SDK1: variants seen among roughly 807,000 people sequenced by gnomAD.
The protein encoded by SDK1 is protein sidekick-1.
Under a neutral mutation model 245.5 loss-of-function variants are expected in SDK1, and 157 were observed. The ratio of observed to expected loss-of-function variants is 0.64; its 90% CI spans 0.56 to 0.73. The LOEUF is 0.73. SDK1 is among the 30% of genes least tolerant of loss of function. The probability of loss-of-function intolerance (pLI) is 0.00; values close to 1 mark genes in which losing one functional copy is unlikely to be tolerated. For missense variants in SDK1, 3,583 were observed against 3,002.3 expected (o/e 1.19, Z -4.52); for synonymous variants, 1,647 against 1,278.5 (o/e 1.29, Z -6.15).
intron 1 of SDK1, among the ~76,000 whole-genome samples, chr7:3,516,190 T>C (rs1242523788): frequency 6.6e-6 from 1 of 151,664 alleles, no homozygotes; most frequent in African/African-American, 2.4e-5. Flanking sequence ...CACATACATT[T>C]ACACACCTAT....
chr7:4,012,464 C>A (rs1424458383), intron 16 of SDK1, among the ~76,000 whole-genome samples: 1 of 134,912 alleles, frequency 7.4e-6, no homozygotes, highest in Non-Finnish European at 1.5e-5. Context: ...ATGACACACA[C>A]AAAACTGGTG....
At chr7:3,950,518 G>A (rs1780763367) in intron 5 of SDK1, among the ~76,000 whole-genome samples, 3 of 152,238 alleles carry the variant, frequency 2.0e-5, no homozygotes, top group South Asian at 4.1e-4. Context: ...TCATTGTTCT[G>A]TTTCATTATT....
intron 1 of SDK1, among the ~76,000 whole-genome samples, chr7:3,437,702 TC>T (rs1780069931): frequency 6.6e-6 from 1 of 152,174 alleles, no homozygotes; most frequent in African/African-American, 2.4e-5. Context: ...TGAGCTGTGA[TC>T]GTGCCACTGC....
intron 22 of SDK1, among the ~76,000 whole-genome samples, chr7:4,090,358 C>T (rs963679868): frequency 2.0e-5 from 3 of 152,158 alleles, no homozygotes; most frequent in Non-Finnish European, 4.4e-5. Flanking sequence ...TTTAAAAATT[C>T]AATCATTTCT....
chr7:3,985,766 A>C lies in SDK1; in HGVS notation c.1995-1420A>C, dbSNP rs1411295916. Among the ~76,000 whole-genome samples the C allele has an allele frequency of 3.3e-5, 5 of 152,234 alleles. No homozygotes were observed. The East Asian group carries it at 9.6e-4, about 29-fold the overall frequency. On this transcript the variant is annotated intron_variant, in intron 13 of 44. Transcript: ENST00000404826. ...ACAATGTAGTTGCAGTCTACATTAG[A>C]AATATTAGTATGCTTATAAATGGTG...
intron 35 of SDK1, among the ~76,000 whole-genome samples, chr7:4,182,767 G>A (rs1033921972): frequency 6.6e-6 from 1 of 152,232 alleles, no homozygotes; most frequent in African/African-American, 2.4e-5. Context: ...GAGAGGCAGA[G>A]CTGGTGAGGG....
At chr7:3,649,316 C>G (rs185989634) in intron 4 of SDK1, among the ~76,000 whole-genome samples, 1 of 151,968 alleles carries the variant, frequency 6.6e-6, no homozygotes, top group African/African-American at 2.4e-5. Context: ...TAACAAAATG[C>G]GCATTTTCAA....
chr7:3,972,328 C>CT (rs1562596826), intron 12 of SDK1, among the ~76,000 whole-genome samples: 1 of 152,164 alleles, frequency 6.6e-6, no homozygotes, highest in Non-Finnish European at 1.5e-5. Flanking sequence ...ATCCACCTGT[C>CT]TCGGCCTCCC....
Position 4,175,793 on chromosome 7 carries a change from C to T in SDK1, c.4955C>T (p.Thr1652Met), listed in dbSNP as rs752060295. The T allele has an allele frequency of 3.2e-5, 51 of 1,613,812 alleles. 1 individual carries two copies. Among genetic ancestry groups the T allele is most frequent in the South Asian group, 2.4e-4 (22 of 91,094 alleles). The change falls in exon 34 of 45, where the codon ACG (threonine) becomes ATG (methionine). Residue 1652 changes from threonine to methionine, a missense_variant. Coordinates refer to ENST00000404826, the MANE Select transcript of SDK1 (RefSeq NM_152744.4). Reference protein sequence around the residue: ...AELTAQSSFKTVNSSSTSTMC... With the variant: ...AELTAQSSFKMVNSSSTSTMC... ...CCAATAGCCCAAAGCAGCTTCAAGACGGTGAACAGCAGCTCCACATCGACG... is the reference window on the plus strand; with the variant it reads ...CCAATAGCCCAAAGCAGCTTCAAGATGGTGAACAGCAGCTCCACATCGACG...
In SDK1 at chr7:4,105,673, G is replaced by T. The variant is rs189205940; in HGVS notation, c.3325-4990G>T. 2.0e-3 allele frequency among the ~76,000 whole-genome samples: 299 copies of T among 152,310 alleles called. 1 individual carries two copies. The highest frequency in any genetic ancestry group is 7.0e-3 in the African/African-American group (291 of 41,538). On this transcript the variant is annotated intron_variant, in intron 22 of 44. Transcript: ENST00000404826. Reference sequence around the variant, plus strand: ...CTGTGCTGGGGGTACTCTGAAGAGGGTATAGGAGTACAGAATTAGGACATA... The same window carrying T: ...CTGTGCTGGGGGTACTCTGAAGAGGTTATAGGAGTACAGAATTAGGACATA...
At chr7:3,857,947 A>G (rs1378315132) in intron 5 of SDK1, among the ~76,000 whole-genome samples, 2 of 152,218 alleles carry the variant, frequency 1.3e-5, no homozygotes, top group African/African-American at 4.8e-5. Flanking sequence ...TTTAAAAGGA[A>G]CAAATAGTGT....
At chr7:4,085,614 G>T (rs1414228160) in intron 22 of SDK1, among the ~76,000 whole-genome samples, 1 of 152,094 alleles carries the variant, frequency 6.6e-6, no homozygotes, top group Non-Finnish European at 1.5e-5. Context: ...GAGTGCAGTG[G>T]CGTGATCTCA....
intron 1 of SDK1, among the ~76,000 whole-genome samples, chr7:3,442,888 G>A (rs189262843): frequency 2.6e-5 from 4 of 151,906 alleles, no homozygotes; most frequent in African/African-American, 4.8e-5. Flanking sequence ...CATTCCCTCC[G>A]AACACTTTTG....
intron 17 of SDK1, among the ~76,000 whole-genome samples, chr7:4,027,570 G>T (rs1787455483): frequency 6.6e-6 from 1 of 152,138 alleles, no homozygotes; most frequent in Admixed American, 6.5e-5. Context: ...TTGACATGTT[G>T]CAAATCTCCA....
intron 2 of SDK1, among the ~76,000 whole-genome samples, chr7:3,631,744 T>C (rs4722978): frequency 1.3e-5 from 2 of 152,266 alleles, no homozygotes; most frequent in Admixed American, 6.5e-5. Flanking sequence ...TGGTAAATGA[T>C]TTGGATTTAG....
At position 3,565,129 on chromosome 7, in the gene SDK1, C is replaced by T. The variant is rs559596757; in HGVS notation, c.299-53951C>T. ...TACTTTTTTTTTTTTTTAAACCTCA[C>T]AAGGGGATAACTAGACACTGGAATA... On this transcript the variant is annotated intron_variant, in intron 1 of 44. Coordinates refer to ENST00000404826, the MANE Select transcript of SDK1 (RefSeq NM_152744.4). Among the ~76,000 whole-genome samples, 2 of 150,712 alleles carry T rather than the reference C, an allele frequency of 1.3e-5. 1 individual carries two copies. The highest frequency in any genetic ancestry group is 4.9e-5 in the African/African-American group (2 of 40,974).
At chr7:3,640,892 C>T (rs566097371) in intron 3 of SDK1, among the ~76,000 whole-genome samples, 13 of 152,178 alleles carry the variant, frequency 8.5e-5, no homozygotes, top group Non-Finnish European at 1.5e-5. Flanking sequence ...CCATGTTGGC[C>T]AGGCTGGTGT....
At chr7:3,420,546 T>C (rs1033074779) in intron 1 of SDK1, among the ~76,000 whole-genome samples, 3 of 152,230 alleles carry the variant, frequency 2.0e-5, no homozygotes, top group African/African-American at 7.2e-5. Flanking sequence ...GTAGTCGTGC[T>C]AATCTTTTAG....
chr7:3,490,130 G>A (rs992663665), intron 1 of SDK1, among the ~76,000 whole-genome samples: 19 of 152,168 alleles, frequency 1.2e-4, no homozygotes, highest in African/African-American at 4.1e-4. Flanking sequence ...TCTGTCTTAA[G>A]TGAAACTATG....
Sources: allele counts gnomAD v4.1 joint callset (sites outside exome capture counted in the v4.1 genomes callset), GRCh38; gene constraint gnomAD v4.1.1; transcripts MANE v1.5; gene names NCBI Gene and HGNC (gene_info 2026-07-23, HGNC 2026-07-21).